The following PAWR variants were observed in gnomAD, a reference collection of about 807,000 sequenced individuals.
PAWR encodes the protein PRKC apoptosis WT1 regulator protein.
In PAWR, 23 loss-of-function variants were observed where a neutral mutation model predicts 32.0. The ratio of observed to expected loss-of-function variants is 0.72; its 90% CI spans 0.52 to 1.02. The LOEUF (loss-of-function observed/expected upper bound fraction) is 1.02, where lower values mean the gene tolerates loss of function less well. Among genes scored for constraint, PAWR ranks in the 50% least tolerant of loss-of-function variants. PAWR has a pLI of 0.00. For missense variants in PAWR, 457 were observed against 437.7 expected, an observed-to-expected ratio of 1.04 and a Z score of -0.39; for synonymous variants, 226 against 187.1, an observed-to-expected ratio of 1.21 and a Z score of -1.70.
chr12:79,612,356 T>G (rs536945556), intron 4 of PAWR, among the ~76,000 whole-genome samples: 3 of 152,264 alleles, frequency 2.0e-5, no homozygotes, highest in East Asian at 1.9e-4. Context: ...CTGTAGCCCA[T>G]GACAAAAATT....
intron 2 of PAWR, among the ~76,000 whole-genome samples, chr12:79,659,608 T>G (rs1394233050): frequency 6.6e-6 from 1 of 152,184 alleles, no homozygotes; most frequent in Non-Finnish European, 1.5e-5. Context: ...GCAAATCCCA[T>G]TTTACAACTA....
intron 2 of PAWR, among the ~76,000 whole-genome samples, chr12:79,631,476 G>GC (rs1875622941): frequency 6.6e-6 from 1 of 152,036 alleles, no homozygotes; most frequent in Non-Finnish European, 1.5e-5. Flanking sequence ...TAGGAAGATC[G>GC]CAAGATACAA....
intron 2 of PAWR, among the ~76,000 whole-genome samples, chr12:79,638,634 G>A (rs1876082817): frequency 6.6e-6 from 1 of 151,376 alleles, no homozygotes; most frequent in African/African-American, 2.4e-5. Flanking sequence ...TTTCAACTAT[G>A]TACACAGAAT....
intron 2 of PAWR, among the ~76,000 whole-genome samples, chr12:79,636,784 G>T (rs1215426433): frequency 6.6e-6 from 1 of 152,010 alleles, no homozygotes; most frequent in East Asian, 1.9e-4. Context: ...TATAATGCTT[G>T]TTCCTTCGAT....
At chr12:79,638,011 G>A (rs533214854) in intron 2 of PAWR, among the ~76,000 whole-genome samples, 1 of 151,840 alleles carries the variant, frequency 6.6e-6, no homozygotes, top group Non-Finnish European at 1.5e-5. Flanking sequence ...AACGTGATTT[G>A]TTCAATCCTG....
intron 4 of PAWR, chr12:79,604,413 TA>T: frequency 3.6e-5 from 37 of 1,024,842 alleles, no homozygotes; most frequent in Non-Finnish European, 4.3e-5. Flanking sequence ...ATTACACTAT[TA>T]TTCTAAAACT....
intron 2 of PAWR, among the ~76,000 whole-genome samples, chr12:79,627,808 C>T (rs1173227352): frequency 6.6e-6 from 1 of 152,106 alleles, no homozygotes; most frequent in East Asian, 1.9e-4. Flanking sequence ...ATTCATAAAG[C>T]AAGTCCTGAG....
chr12:79,620,831 C>G (rs1874969586), intron 3 of PAWR, among the ~76,000 whole-genome samples: 1 of 152,016 alleles, frequency 6.6e-6, no homozygotes, highest in East Asian at 1.9e-4. Flanking sequence ...CGAGTCTCAG[C>G]AGGAGCAAAC....
At chr12:79,660,583 C>CT (rs754493353) in intron 2 of PAWR, among the ~76,000 whole-genome samples, 4,055 of 135,408 alleles carry the variant, frequency 0.03, 156 homozygotes, top group East Asian at 0.17. Flanking sequence ...TTTCATTGTA[C>CT]TTTTTTTTTT....
At chr12:79,639,061 T>C (rs1345875210) in intron 2 of PAWR, among the ~76,000 whole-genome samples, 2 of 149,470 alleles carry the variant, frequency 1.3e-5, no homozygotes, top group African/African-American at 2.5e-5. Context: ...TACAGGCGCA[T>C]GCCACCACGC....
intron 4 of PAWR, among the ~76,000 whole-genome samples, chr12:79,607,614 A>G (rs528383717): frequency 6.6e-6 from 1 of 151,984 alleles, no homozygotes; most frequent in Non-Finnish European, 1.5e-5. Flanking sequence ...CTGTAGTTAC[A>G]GCCACTTGGG....
intron 2 of PAWR, among the ~76,000 whole-genome samples, chr12:79,653,032 TG>T (rs1198813502): frequency 3.9e-5 from 6 of 152,180 alleles, no homozygotes; most frequent in Admixed American, 6.5e-5. Flanking sequence ...TTTTTGTGTT[TG>T]TTTTTTTATT....
chr12:79,658,767 G>C (rs186090023), intron 2 of PAWR, among the ~76,000 whole-genome samples: 2 of 151,772 alleles, frequency 1.3e-5, no homozygotes, highest in Admixed American at 1.3e-4. Flanking sequence ...AAATTCAAGC[G>C]ATTCTCCTGC....
intron 4 of PAWR, among the ~76,000 whole-genome samples, chr12:79,606,144 A>C (rs1030967584): frequency 1.3e-5 from 2 of 152,206 alleles, no homozygotes; most frequent in East Asian, 3.8e-4. Context: ...TGAAATATCC[A>C]ACATAGACAA....
chr12:79,658,900 A>T lies in PAWR; in HGVS notation c.516+30829T>A, dbSNP rs1877216220. 5.3e-5 allele frequency among the ~76,000 whole-genome samples: 8 copies of T among 151,578 alleles called. No homozygotes were observed. In the South Asian group the frequency reaches 1.7e-3, roughly 32 times the overall value. ...GGTCTTGAACTCGTGACTTCAAGTG[A>T]TCCACCCACCTCAGCCTCTCAAAGT... On this transcript the variant is annotated intron_variant, in intron 2 of 6. Coordinates refer to ENST00000328827, the MANE Select transcript of PAWR (RefSeq NM_002583.4).
At chr12:79,602,469 C>T (rs1016396083) in intron 4 of PAWR, among the ~76,000 whole-genome samples, 3 of 151,908 alleles carry the variant, frequency 2.0e-5, no homozygotes, top group Non-Finnish European at 4.4e-5. Context: ...ATTGTAATCA[C>T]CTATGTAAGA....
At chr12:79,596,694 T>G in intron 4 of PAWR, 36 bp from the exon 5 acceptor site, 7 of 1,421,330 alleles carry the variant, frequency 4.9e-6, no homozygotes, top group Non-Finnish European at 6.6e-6. Flanking sequence ...AAATCCCTAG[T>G]ATTCAGCAAG....
chr12:79,668,376 T>C (rs7300145), intron 2 of PAWR: 34,936 of 152,196 alleles, frequency 0.23, 10,826 homozygotes, highest in African/African-American at 0.71. Context: ...TTGTCTTTGG[T>C]CTTCTTTTAT....
intron 2 of PAWR, among the ~76,000 whole-genome samples, chr12:79,626,562 T>C (rs1479740438): frequency 6.6e-6 from 1 of 151,412 alleles, no homozygotes. Flanking sequence ...CCCGCCGAAA[T>C]GACAACTTTT....
Sources: allele counts gnomAD v4.1 joint callset (sites outside exome capture counted in the v4.1 genomes callset), GRCh38; gene constraint gnomAD v4.1.1; transcripts MANE v1.5; gene names NCBI Gene and HGNC (gene_info 2026-07-23, HGNC 2026-07-21).